Variants in EFCAB11 observed in about 807,000 individuals in gnomAD.
EFCAB11 encodes EF-hand calcium-binding domain-containing protein 11.
A neutral mutation model predicts 23.0 loss-of-function variants in EFCAB11; 14 were observed. The observed-to-expected ratio is 0.61, with a 90% CI of 0.40 to 0.95. EFCAB11 has a LOEUF of 0.95. Ranked by LOEUF, EFCAB11 falls within the 40% of genes least tolerant of loss-of-function variation. The pLI is 0.00. For synonymous variants in EFCAB11, 65 were observed against 66.6 expected, an observed-to-expected ratio of 0.98 and a Z score of 0.11; for missense variants, 198 against 195.8, an observed-to-expected ratio of 1.01 and a Z score of -0.07.
intron 5 of EFCAB11, among the ~76,000 whole-genome samples, chr14:89,905,129 C>G (rs1889457153): frequency 6.6e-6 from 1 of 152,198 alleles, no homozygotes; most frequent in South Asian, 2.1e-4. Context: ...TGCAAACAAT[C>G]TACCACTGTA....
intron 5 of EFCAB11, among the ~76,000 whole-genome samples, chr14:89,865,791 A>G (rs1013004231): frequency 2.0e-5 from 3 of 151,792 alleles, no homozygotes; most frequent in Admixed American, 6.6e-5. Flanking sequence ...CAGACTCCCA[A>G]GTTGGTGGGA....
At chr14:89,810,183 C>T (rs977495418) in intron 5 of EFCAB11, among the ~76,000 whole-genome samples, 1 of 152,152 alleles carries the variant, frequency 6.6e-6, no homozygotes, top group East Asian at 1.9e-4. Context: ...GTGTCTGGCA[C>T]ACAGTGGTGT....
At chr14:89,933,193 A>G (rs936238045) in intron 3 of EFCAB11, among the ~76,000 whole-genome samples, 7 of 152,246 alleles carry the variant, frequency 4.6e-5, no homozygotes, top group African/African-American at 1.4e-4. Context: ...CGTGTGGAGC[A>G]GCCTCAGGCT....
intron 5 of EFCAB11, among the ~76,000 whole-genome samples, chr14:89,799,881 T>C (rs1469850644): frequency 6.6e-6 from 1 of 152,162 alleles, no homozygotes; most frequent in Non-Finnish European, 1.5e-5. Context: ...CCTCATTGTT[T>C]TACCGAGTCT....
intron 5 of EFCAB11, among the ~76,000 whole-genome samples, chr14:89,808,654 T>G (rs916395127): frequency 1.3e-5 from 2 of 152,222 alleles, no homozygotes; most frequent in African/African-American, 2.4e-5. Flanking sequence ...TTAAAACCTC[T>G]GGGTCTGTGG....
At chr14:89,921,704 T>C (rs1890026977) in intron 5 of EFCAB11, among the ~76,000 whole-genome samples, 1 of 152,204 alleles carries the variant, frequency 6.6e-6, no homozygotes, top group Non-Finnish European at 1.5e-5. Context: ...GGCAACAAAC[T>C]CATAGGTTGC....
In EFCAB11 at chr14:89,922,966, G is replaced by T. The variant is rs1045388930; in HGVS notation, c.410+8575C>A. Among the ~76,000 whole-genome samples, 41 of 152,250 alleles carry T rather than the reference G, an allele frequency of 2.7e-4. 1 individual carries two copies. Among genetic ancestry groups the T allele is most frequent in the African/African-American group, 9.9e-4 (41 of 41,550 alleles). On this transcript the variant is annotated intron_variant, in intron 5 of 5. Coordinates refer to ENST00000316738, the MANE Select transcript of EFCAB11 (RefSeq NM_145231.4). ...TGAAGGATGAATCGAATTTGTATCC[G>T]GATGGGTTTAACATGAGAGAGGACT...
intron 5 of EFCAB11, among the ~76,000 whole-genome samples, chr14:89,906,013 A>C (rs964952062): frequency 6.6e-6 from 1 of 152,148 alleles, no homozygotes; most frequent in Non-Finnish European, 1.5e-5. Flanking sequence ...GCAATGTGAA[A>C]CATTTTCAGC....
chr14:89,870,126 G>A (rs1004880574), intron 5 of EFCAB11, among the ~76,000 whole-genome samples: 1 of 152,122 alleles, frequency 6.6e-6, no homozygotes, highest in African/African-American at 2.4e-5. Context: ...AAATTCCCAG[G>A]TAATGCCCCC....
chr14:89,918,478 G>A (rs890263823), intron 5 of EFCAB11, among the ~76,000 whole-genome samples: 5 of 151,548 alleles, frequency 3.3e-5, no homozygotes, highest in African/African-American at 1.2e-4. Context: ...GGTGGAGGTT[G>A]CAGTGAGCCG....
Position 89,949,238 on chromosome 14 carries a change from A to G in EFCAB11, c.217+859T>C, listed in dbSNP as rs542291563. Among the ~76,000 whole-genome samples the G allele has an allele frequency of 3.3e-5, 5 of 152,314 alleles. No homozygotes were observed. In the South Asian group the frequency reaches 1.0e-3, roughly 32 times the overall value. ...ATGCCTACATCAAAACATCTCATGT[A>G]CCACCTCTCTATATATACACCTACA... is the stretch of plus-strand genomic sequence containing the variant. On this transcript the variant is annotated intron_variant, in intron 3 of 5. Coordinates refer to ENST00000316738, the MANE Select transcript of EFCAB11 (RefSeq NM_145231.4).
At chr14:89,837,530 G>C (rs566186534) in intron 5 of EFCAB11, among the ~76,000 whole-genome samples, 1 of 152,254 alleles carries the variant, frequency 6.6e-6, no homozygotes, top group Non-Finnish European at 1.5e-5. Flanking sequence ...AAATGACCTT[G>C]TTGTATGCTT....
At chr14:89,808,923 C>T (rs2140086167) in intron 5 of EFCAB11, among the ~76,000 whole-genome samples, 1 of 152,292 alleles carries the variant, frequency 6.6e-6, no homozygotes, top group African/African-American at 2.4e-5. Context: ...GATTAAAACT[C>T]AGGGACTCCA....
intron 5 of EFCAB11, among the ~76,000 whole-genome samples, chr14:89,873,615 C>T (rs879392747): frequency 8.5e-5 from 13 of 152,266 alleles, no homozygotes; most frequent in South Asian, 6.2e-4. Context: ...AATGGGGGTA[C>T]GGGCATTGGA....
At chr14:89,927,878 C>T (rs1008170183) in intron 5 of EFCAB11, among the ~76,000 whole-genome samples, 2 of 152,078 alleles carry the variant, frequency 1.3e-5, no homozygotes, top group African/African-American at 2.4e-5. Flanking sequence ...CCCACCACCA[C>T]GCCCAGCTAA....
In EFCAB11 at chr14:89,881,098, CTATTTATT is replaced by C. The variant is rs567548826; in HGVS notation, c.410+50435_410+50442del. Reference sequence around the variant, plus strand: ...CCAATTACTCTGCATTCTTATTACCCTATTTATTTATTTATTTATTTATTTTGCATTTA... The same window carrying C: ...CCAATTACTCTGCATTCTTATTACCCTATTTATTTATTTATTTTGCATTTA... On this transcript the variant is annotated intron_variant, in intron 5 of 5. Coordinates refer to ENST00000316738, the MANE Select transcript of EFCAB11 (RefSeq NM_145231.4). Among the ~76,000 whole-genome samples the C allele has an allele frequency of 6.4e-3, 976 of 151,854 alleles. 7 individuals are homozygous for C. The highest frequency in any genetic ancestry group is 0.011 in the Non-Finnish European group (716 of 67,948).
intron 5 of EFCAB11, among the ~76,000 whole-genome samples, chr14:89,840,451 T>C (rs546318722): frequency 6.6e-6 from 1 of 152,370 alleles, no homozygotes; most frequent in Non-Finnish European, 1.5e-5. Flanking sequence ...TCATTTCCTC[T>C]GATGCAGAAC....
chr14:89,827,063 G>T (rs1886714338), intron 5 of EFCAB11, among the ~76,000 whole-genome samples: 2 of 152,100 alleles, frequency 1.3e-5, no homozygotes, highest in Admixed American at 6.6e-5. Flanking sequence ...TTAAAAGAGA[G>T]AATTTAATAT....
chr14:89,927,454 G>A (rs75311136), intron 5 of EFCAB11, among the ~76,000 whole-genome samples: 8,475 of 152,096 alleles, frequency 0.056, 405 homozygotes, highest in African/African-American at 0.12. Context: ...AGTGAATTGT[G>A]GACCTGGGTA....
Sources: allele counts gnomAD v4.1 joint callset (sites outside exome capture counted in the v4.1 genomes callset), GRCh38; gene constraint gnomAD v4.1.1; transcripts MANE v1.5; gene names NCBI Gene and HGNC (gene_info 2026-07-23, HGNC 2026-07-21).